Variants in TTLL9 observed in about 807,000 individuals in gnomAD.
The protein encoded by TTLL9 is probable tubulin polyglutamylase TTLL9.
A neutral mutation model predicts 65.6 loss-of-function variants in TTLL9; 47 were observed. The observed-to-expected ratio is 0.72, with a 90% CI of 0.57 to 0.91. The LOEUF is 0.91. Among genes scored for constraint, TTLL9 ranks in the 40% least tolerant of loss-of-function variants. TTLL9 has a pLI of 0.00. For synonymous variants in TTLL9, 179 were observed against 204.8 expected (o/e 0.87, Z 1.07); for missense variants, 537 against 568.8 (o/e 0.94, Z 0.57).
chr20:31,890,195 T>TTCTTTCTTTCTTTCTTTCTC (rs1223777990), intron 3 of TTLL9, among the ~76,000 whole-genome samples: 1 of 142,816 alleles, frequency 7.0e-6, no homozygotes. Context: ...CTTTCTTTCT[T>TTCTTTCTTTCTTTCTTTCTC]TCTTTCTCTT....
At chr20:31,905,712 A>C (rs1315490106) in intron 4 of TTLL9, among the ~76,000 whole-genome samples, 1 of 152,158 alleles carries the variant, frequency 6.6e-6, no homozygotes, top group Non-Finnish European at 1.5e-5. Context: ...AGCAGCCACA[A>C]GGAGAAGCAA....
At chr20:31,890,749 G>A (rs2063298035) in intron 3 of TTLL9, among the ~76,000 whole-genome samples, 1 of 152,324 alleles carries the variant, frequency 6.6e-6, no homozygotes, top group Non-Finnish European at 1.5e-5. Flanking sequence ...AGAGATGAGA[G>A]ACTTAGCGGA....
At chr20:31,904,350 C>CTTT (rs71185374) in intron 4 of TTLL9, among the ~76,000 whole-genome samples, 701 of 81,786 alleles carry the variant, frequency 8.6e-3, no homozygotes, top group Non-Finnish European at 0.011. Flanking sequence ...TTTGATAATT[C>CTTT]TTTTTTTTTT....
intron 3 of TTLL9, among the ~76,000 whole-genome samples, chr20:31,897,630 G>A (rs2063405855): frequency 6.6e-6 from 1 of 152,196 alleles, no homozygotes; most frequent in South Asian, 2.1e-4. Flanking sequence ...GGTCTCCACT[G>A]CTGCAGTGGG....
chr20:31,905,148 A>G (rs960409683), intron 4 of TTLL9, among the ~76,000 whole-genome samples: 3 of 151,970 alleles, frequency 2.0e-5, no homozygotes, highest in African/African-American at 7.3e-5. Flanking sequence ...TCGGCTCACT[A>G]CAACCTCTGC....
chr20:31,890,150 C>CT (rs1300422017), intron 3 of TTLL9, among the ~76,000 whole-genome samples: 47 of 16,696 alleles, frequency 2.8e-3, no homozygotes, highest in African/African-American at 5.8e-3. Context: ...TCCTTCCTTC[C>CT]TTCCTTCTTT....
intron 3 of TTLL9, 84 bp downstream of exon 3, chr20:31,887,323 C>G: frequency 7.2e-7 from 1 of 1,397,186 alleles, no homozygotes; most frequent in Middle Eastern, 1.8e-4. Context: ...TCTCCCTTTT[C>G]TACTTCAACA....
chr20:31,890,694 A>G (rs1411685754), intron 3 of TTLL9, among the ~76,000 whole-genome samples: 1 of 152,210 alleles, frequency 6.6e-6, no homozygotes, highest in African/African-American at 2.4e-5. Context: ...TCCCCCAGGG[A>G]ATTCCTGGGA....
chr20:31,938,748 T>G (rs2064158020), intron 13 of TTLL9, among the ~76,000 whole-genome samples: 2 of 152,018 alleles, frequency 1.3e-5, no homozygotes, highest in African/African-American at 4.8e-5. Context: ...TGTGGTGGTG[T>G]GCGCCTGTAG....
intron 10 of TTLL9, 53 bp from the exon 11 acceptor site, chr20:31,933,747 G>T: frequency 1.3e-6 from 2 of 1,576,732 alleles, no homozygotes; most frequent in Non-Finnish European, 8.7e-7. Context: ...ACTTCGTGGG[G>T]CAGAGCTCAC....
At chr20:31,908,073 G>A (rs959904350) in intron 4 of TTLL9, among the ~76,000 whole-genome samples, 1 of 152,160 alleles carries the variant, frequency 6.6e-6, no homozygotes, top group Non-Finnish European at 1.5e-5. Flanking sequence ...AGTGAGCAAG[G>A]CCATCTTGCC....
intron 2 of TTLL9, chr20:31,879,706 C>G (rs1242913572): frequency 1.1e-5 from 12 of 1,043,508 alleles, no homozygotes; most frequent in Non-Finnish European, 1.1e-5. Context: ...CCAGGACGCC[C>G]AATAGCCTCC....
Position 31,870,738 on chromosome 20 carries a change from G to T in TTLL9, c.-217G>T. ...GGGGGCCTTACCCCACCCTGGCACC[G>T]GCAGGCGCGGGCGGATGGGGGGATG... On this transcript the variant is annotated 5_prime_UTR_variant, in exon 1 of 15. Transcript: ENST00000535842. The surrounding 1 kb of genome is among the most constrained non-coding windows in gnomAD (Gnocchi z 6.6). 3.8e-6 allele frequency: 2 copies of T among 529,330 alleles called. No individual in the cohort carries two copies. Among genetic ancestry groups the T allele is most frequent in the South Asian group, 1.1e-4 (2 of 18,386 alleles). The allele number at this position is 529,330 out of a possible 1,614,324, so 32.8% of individuals were successfully genotyped here. A position where few individuals can be genotyped will look rare whatever the true frequency, so the allele number is the denominator to read the frequency against.
Position 31,876,801 on chromosome 20 carries a change from T to C in TTLL9, c.69+5606T>C, listed in dbSNP as rs186771051. On this transcript the variant is annotated intron_variant, in intron 2 of 14. Coordinates refer to ENST00000535842, the MANE Select transcript of TTLL9 (RefSeq NM_001008409.5). Reference sequence around the variant, plus strand: ...GTTTCCCCACGTCCTCACTAACATCTGACCTCATGAAAAACATTGACATAT... The same window carrying C: ...GTTTCCCCACGTCCTCACTAACATCCGACCTCATGAAAAACATTGACATAT... Among the ~76,000 whole-genome samples the C allele has an allele frequency of 2.2e-4, 33 of 152,312 alleles. No individual in the cohort carries two copies. The East Asian group carries it at 6.4e-3, about 29-fold the overall frequency.
chr20:31,875,279 G>T (rs1402729099), intron 2 of TTLL9, among the ~76,000 whole-genome samples: 1 of 152,018 alleles, frequency 6.6e-6, no homozygotes, highest in Non-Finnish European at 1.5e-5. Flanking sequence ...GAGAGGACAT[G>T]TTTCAAATAC....
rs2064250751 is a variant in TTLL9 at position 31,943,239 on chromosome 20, C to T, written c.*218C>T. 1 of 595,996 alleles carries T rather than the reference C, an allele frequency of 1.7e-6. No individual in the cohort carries two copies. Among genetic ancestry groups the T allele is most frequent in the East Asian group, 2.8e-5 (1 of 35,626 alleles). The allele number at this position is 595,996 out of a possible 1,614,324, so 36.9% of individuals were successfully genotyped here. A position where few individuals can be genotyped will look rare whatever the true frequency, so the allele number is the denominator to read the frequency against. On this transcript the variant is annotated 3_prime_UTR_variant, in exon 15 of 15. Coordinates refer to ENST00000535842, the MANE Select transcript of TTLL9 (RefSeq NM_001008409.5). Reference sequence around the variant, plus strand: ...CTTTGCACCAGGAGACAGCCAATCACTGGGACTGGGGGAGGTTTAACCTTG... The same window carrying T: ...CTTTGCACCAGGAGACAGCCAATCATTGGGACTGGGGGAGGTTTAACCTTG...
chr20:31,921,054 A>G (rs2063809301), intron 7 of TTLL9, among the ~76,000 whole-genome samples: 1 of 152,234 alleles, frequency 6.6e-6, no homozygotes, highest in Non-Finnish European at 1.5e-5. Flanking sequence ...ACTGTCCAAC[A>G]GAACTTTCTA....
chr20:31,934,443 GA>G (rs2064073699), intron 11 of TTLL9: 1 of 648,538 alleles, frequency 1.5e-6, no homozygotes, highest in Admixed American at 2.1e-5. Flanking sequence ...GTCAGGCTCA[GA>G]AAAGGGGCCT....
chr20:31,934,483 G>A, intron 11 of TTLL9: 2 of 683,638 alleles, frequency 2.9e-6, no homozygotes, highest in South Asian at 3.0e-5. Flanking sequence ...GGGACTTCTG[G>A]GGTCCTGCAT....
Sources: allele counts gnomAD v4.1 joint callset (sites outside exome capture counted in the v4.1 genomes callset), GRCh38; gene constraint gnomAD v4.1.1; non-coding constraint Gnocchi (gnomAD v3.1); transcripts MANE v1.5; gene names NCBI Gene and HGNC (gene_info 2026-07-23, HGNC 2026-07-21).